Variants in UNC13C observed in about 807,000 individuals in gnomAD.
The protein encoded by UNC13C is unc-13 homolog C.
A neutral mutation model predicts 245.4 loss-of-function variants in UNC13C; 174 were observed. The ratio of observed to expected loss-of-function variants is 0.71; its 90% CI spans 0.63 to 0.80. UNC13C has a LOEUF of 0.80. Among genes scored for constraint, UNC13C ranks in the 30% least tolerant of loss-of-function variants. UNC13C has a pLI of 0.00. For missense variants in UNC13C, 2,829 were observed against 2,602.9 expected, an observed-to-expected ratio of 1.09 and a Z score of -1.89; for synonymous variants, 992 against 895.1, an observed-to-expected ratio of 1.11 and a Z score of -1.93.
At chr15:54,532,479 A>G (rs751366371) in intron 25 of UNC13C, among the ~76,000 whole-genome samples, 2 of 152,218 alleles carry the variant, frequency 1.3e-5, no homozygotes, top group African/African-American at 2.4e-5. Context: ...CATATACACC[A>G]TGAAATACTA....
the UNC13C span, among the ~76,000 whole-genome samples, chr15:53,885,177 C>T: frequency 3.3e-5 from 5 of 152,202 alleles, no homozygotes; most frequent in African/African-American, 9.6e-5. Flanking sequence ...TTTGAACAAA[C>T]GGAAATTGGA....
intron 2 of UNC13C, among the ~76,000 whole-genome samples, chr15:54,094,763 C>T (rs894043860): frequency 6.6e-6 from 1 of 152,162 alleles, no homozygotes; most frequent in Non-Finnish European, 1.5e-5. Context: ...TCTCTCTCCC[C>T]CAGTTAAGGC....
At chr15:54,048,209 G>C (rs1029204446) in intron 2 of UNC13C, among the ~76,000 whole-genome samples, 1 of 152,066 alleles carries the variant, frequency 6.6e-6, no homozygotes, top group Non-Finnish European at 1.5e-5. Context: ...TACTGGATTG[G>C]CTGCTTGATG....
chr15:53,861,439 T>A, the UNC13C span, among the ~76,000 whole-genome samples: 1 of 143,542 alleles, frequency 7.0e-6, no homozygotes, highest in East Asian at 2.1e-4. Flanking sequence ...TTGTTATTTT[T>A]GTTTTTTTAT....
intron 2 of UNC13C, among the ~76,000 whole-genome samples, chr15:54,028,865 G>A (rs986474979): frequency 2.6e-5 from 4 of 151,798 alleles, no homozygotes; most frequent in Non-Finnish European, 5.9e-5. Context: ...TAGGAGGTTG[G>A]GCAAGTTGTT....
At chr15:53,975,662 A>G (rs932579454), upstream of UNC13C, among the ~76,000 whole-genome samples, 2 of 152,170 alleles carry the variant, frequency 1.3e-5, no homozygotes, top group Non-Finnish European at 2.9e-5. Context: ...GTCAAGCTTC[A>G]CTACTACTGT....
the UNC13C span, among the ~76,000 whole-genome samples, chr15:53,899,714 G>T: frequency 2.6e-5 from 4 of 152,140 alleles, no homozygotes; most frequent in African/African-American, 9.6e-5. Context: ...ACAGGCATGC[G>T]CCACCATGCC....
chr15:53,969,412 A>G, the UNC13C span, among the ~76,000 whole-genome samples: 1 of 152,160 alleles, frequency 6.6e-6, no homozygotes, highest in Admixed American at 6.6e-5. Flanking sequence ...GCAATTTAAA[A>G]ATTGTTGTAA....
chr15:54,185,044 T>C (rs1232262472), intron 4 of UNC13C, among the ~76,000 whole-genome samples: 2 of 152,324 alleles, frequency 1.3e-5, no homozygotes, highest in South Asian at 4.1e-4. Flanking sequence ...TTTCATGTGT[T>C]TTTTGGTGGC....
intron 14 of UNC13C, among the ~76,000 whole-genome samples, chr15:54,322,911 G>T (rs2038201369): frequency 6.6e-6 from 1 of 151,926 alleles, no homozygotes; most frequent in African/African-American, 2.4e-5. Flanking sequence ...AGGGAGGGAA[G>T]GAGAAGATGC....
intron 8 of UNC13C, 102 bp from the exon 9 acceptor site, chr15:54,264,066 A>G (rs1427211262): frequency 1.7e-6 from 2 of 1,150,408 alleles, no homozygotes; most frequent in Admixed American, 4.4e-5. Flanking sequence ...ACAGAATGAA[A>G]GCACTCATTC....
At chr15:54,036,026 TAGG>T (rs1384560372) in intron 2 of UNC13C, among the ~76,000 whole-genome samples, 2 of 152,236 alleles carry the variant, frequency 1.3e-5, no homozygotes, top group African/African-American at 4.8e-5. Flanking sequence ...ATTGTCATTC[TAGG>T]TGACTGCAAG....
chr15:54,441,853 A>G (rs1890544198), intron 19 of UNC13C, among the ~76,000 whole-genome samples: 1 of 151,578 alleles, frequency 6.6e-6, no homozygotes, highest in African/African-American at 2.4e-5. Flanking sequence ...TGTCATTTTC[A>G]TTTGCTTTCA....
At chr15:54,109,060 G>C (rs955942856) in intron 2 of UNC13C, among the ~76,000 whole-genome samples, 6 of 152,046 alleles carry the variant, frequency 3.9e-5, no homozygotes, top group African/African-American at 1.4e-4. Flanking sequence ...CAAGGGGAAA[G>C]TTTACTCACT....
chr15:54,247,507 G>C (rs2036024370), intron 7 of UNC13C, among the ~76,000 whole-genome samples: 1 of 152,028 alleles, frequency 6.6e-6, no homozygotes, highest in African/African-American at 2.4e-5. Flanking sequence ...GCTGAAAAAA[G>C]AGTGTTTTCG....
chr15:53,979,102 A>T (rs115914790), intron 1 of UNC13C, among the ~76,000 whole-genome samples, 175 bp downstream of exon 1: 1 of 151,472 alleles, frequency 6.6e-6, no homozygotes, highest in Non-Finnish European at 1.5e-5. Context: ...ACATGATTCT[A>T]TGGAGCATCA....
At chr15:54,371,905 G>A (rs1211417877) in intron 17 of UNC13C, among the ~76,000 whole-genome samples, 1 of 152,088 alleles carries the variant, frequency 6.6e-6, no homozygotes, top group Non-Finnish European at 1.5e-5. Flanking sequence ...CTACTCATAA[G>A]AACAATGAGT....
intron 2 of UNC13C, among the ~76,000 whole-genome samples, chr15:54,023,153 G>T (rs948870104): frequency 6.6e-6 from 1 of 152,168 alleles, no homozygotes; most frequent in African/African-American, 2.4e-5. Flanking sequence ...TGGGAAGAAG[G>T]TACTGTTAGC....
At chr15:54,328,965 T>C (rs1240606537) in intron 14 of UNC13C, among the ~76,000 whole-genome samples, 1 of 152,050 alleles carries the variant, frequency 6.6e-6, no homozygotes, top group Non-Finnish European at 1.5e-5. Flanking sequence ...TGTGCTATAG[T>C]GTCAGACTGA....
Sources: allele counts gnomAD v4.1 joint callset (sites outside exome capture counted in the v4.1 genomes callset), GRCh38; gene constraint gnomAD v4.1.1; transcripts MANE v1.5; gene names NCBI Gene and HGNC (gene_info 2026-07-23, HGNC 2026-07-21).